PIP4K2A: variants seen among roughly 807,000 people sequenced by gnomAD.
The protein encoded by PIP4K2A is phosphatidylinositol 5-phosphate 4-kinase type-2 alpha.
Under a neutral mutation model 42.9 loss-of-function variants are expected in PIP4K2A, and 14 were observed. The observed-to-expected ratio is 0.33, with a 90% CI of 0.22 to 0.51. PIP4K2A has a LOEUF of 0.51. PIP4K2A is among the 20% of genes least tolerant of loss of function. The pLI is 0.97. For synonymous variants in PIP4K2A, 192 were observed against 192.2 expected (o/e 1.00, Z 0.01); for missense variants, 434 against 519.8 (o/e 0.83, Z 1.61).
chr10:22,543,139 A>T (rs1001935099), intron 7 of PIP4K2A, among the ~76,000 whole-genome samples: 5 of 152,204 alleles, frequency 3.3e-5, no homozygotes, highest in Non-Finnish European at 7.3e-5. Flanking sequence ...CCGCAGAGTC[A>T]TTTCTCCTCA....
chr10:22,537,748 G>A (rs1835974376), intron 9 of PIP4K2A, among the ~76,000 whole-genome samples: 1 of 152,182 alleles, frequency 6.6e-6, no homozygotes, highest in Middle Eastern at 3.2e-3. Context: ...GGACCCCTTC[G>A]TTTCTGGACA....
intron 1 of PIP4K2A, among the ~76,000 whole-genome samples, chr10:22,708,532 A>C (rs768808623): frequency 3.3e-5 from 5 of 152,106 alleles, no homozygotes; most frequent in Non-Finnish European, 5.9e-5. Flanking sequence ...TCTTAAATCT[A>C]AATTGCTTGT....
intron 1 of PIP4K2A, among the ~76,000 whole-genome samples, chr10:22,616,475 A>G (rs1170971611): frequency 6.6e-6 from 1 of 152,214 alleles, no homozygotes; most frequent in Admixed American, 6.5e-5. Flanking sequence ...ATTAAACAGT[A>G]GAGCTGTACC....
chr10:22,694,943 T>G (rs1478897638), intron 1 of PIP4K2A, among the ~76,000 whole-genome samples: 1 of 152,228 alleles, frequency 6.6e-6, no homozygotes, highest in East Asian at 1.9e-4. Context: ...TGGTGGACAG[T>G]GTGAAAATGA....
intron 1 of PIP4K2A, among the ~76,000 whole-genome samples, chr10:22,633,878 AGGCATCTCAG>A (rs1225125669): frequency 1.3e-5 from 2 of 152,188 alleles, no homozygotes; most frequent in Non-Finnish European, 2.9e-5. Flanking sequence ...CGGCTTCTCA[AGGCATCTCAG>A]ATGCAGTGCT....
intron 1 of PIP4K2A, among the ~76,000 whole-genome samples, chr10:22,699,704 G>A (rs1206543977): frequency 1.3e-5 from 2 of 152,040 alleles, no homozygotes; most frequent in East Asian, 3.9e-4. Context: ...ATCTTTCTTT[G>A]GGAAACTTGC....
At chr10:22,549,033 G>A (rs1185232456) in intron 7 of PIP4K2A, among the ~76,000 whole-genome samples, 1 of 152,130 alleles carries the variant, frequency 6.6e-6, no homozygotes, top group Non-Finnish European at 1.5e-5. Flanking sequence ...AGCCAACACA[G>A]CAAGACTGTC....
intron 1 of PIP4K2A, among the ~76,000 whole-genome samples, chr10:22,699,794 A>AT (rs1833679718): frequency 6.6e-6 from 1 of 152,182 alleles, no homozygotes; most frequent in Non-Finnish European, 1.5e-5. Flanking sequence ...TTTCTGAAAA[A>AT]TTTCTAAGTT....
intron 6 of PIP4K2A, among the ~76,000 whole-genome samples, chr10:22,556,670 T>A (rs1371643901): frequency 6.6e-6 from 1 of 152,160 alleles, no homozygotes; most frequent in Non-Finnish European, 1.5e-5. Flanking sequence ...CCACAGAAGC[T>A]GAAATCTTAG....
rs189076960 is a variant in PIP4K2A, at chr10:22,635,114, A to G, written c.145-25397T>C. On this transcript the variant is annotated intron_variant, in intron 1 of 9. Transcript: ENST00000376573. ...GGGAGGGAGGCAGAGGTGAAGCACG[A>G]CAGATTTGGGGGGCAGTGACACTAT... 5.3e-5 allele frequency among the ~76,000 whole-genome samples: 8 copies of G among 152,234 alleles called. No individual in the cohort carries two copies. In the East Asian group the frequency reaches 1.5e-3, roughly 29 times the overall value.
chr10:22,544,086 C>T (rs1836198462), intron 7 of PIP4K2A, among the ~76,000 whole-genome samples: 1 of 152,062 alleles, frequency 6.6e-6, no homozygotes, highest in Non-Finnish European at 1.5e-5. Flanking sequence ...CTTCGCAACC[C>T]TAGGAGGAAG....
rs773540767 is a variant in PIP4K2A at position 22,542,012 on chromosome 10, C to A, written c.828G>T (p.Leu276=). ...LAQLKLMDYS[L]LVGIHDVERA... ...TCTCCACATCATGAATTCCCACCAG[C>A]AGACTGTAGTCCATGAGCTTCAGCT... The change falls in exon 8 of 10, where the codon CTG becomes CTT. Residue 276 remains leucine (L), a synonymous_variant. Transcript: ENST00000376573. The A allele has an allele frequency of 2.5e-6, 4 of 1,612,992 alleles. No homozygotes were observed. The East Asian group carries it at 8.9e-5, about 36-fold the overall frequency.
chr10:22,666,942 A>G (rs1010983526), intron 1 of PIP4K2A, among the ~76,000 whole-genome samples: 5 of 152,230 alleles, frequency 3.3e-5, no homozygotes, highest in Admixed American at 6.5e-5. Context: ...AGGCACATGT[A>G]AAAAGGGCAG....
At chr10:22,649,436 C>A (rs1037151616) in intron 1 of PIP4K2A, among the ~76,000 whole-genome samples, 10 of 152,212 alleles carry the variant, frequency 6.6e-5, no homozygotes, top group South Asian at 2.1e-4. Context: ...TGAGAAAAAC[C>A]CCTGAGCCAA....
At chr10:22,601,130 CAAAAAAAAAAAAAAA>C (rs1188396077) in intron 3 of PIP4K2A, among the ~76,000 whole-genome samples, 2,085 of 31,902 alleles carry the variant, frequency 0.065, 73 homozygotes, top group African/African-American at 0.12. Flanking sequence ...GAGACTGTCT[CAAAAAAAAAAAAAAA>C]AAAAAAAAAA....
intron 6 of PIP4K2A, among the ~76,000 whole-genome samples, chr10:22,553,439 C>T (rs943190): frequency 0.66 from 100,751 of 152,134 alleles, 33,634 homozygotes; most frequent in South Asian, 0.77. Context: ...GGGGAAAACA[C>T]GCAGCAGCCT....
At chr10:22,681,068 T>C (rs976811324) in intron 1 of PIP4K2A, among the ~76,000 whole-genome samples, 1 of 152,194 alleles carries the variant, frequency 6.6e-6, no homozygotes, top group Admixed American at 6.5e-5. Flanking sequence ...ATACTCCCCA[T>C]GTATCCTCCC....
At chr10:22,574,485 A>G (rs76547528) in intron 4 of PIP4K2A, among the ~76,000 whole-genome samples, 5,428 of 150,680 alleles carry the variant, frequency 0.036, 145 homozygotes, top group Non-Finnish European at 0.052. Context: ...TAAAAAATAC[A>G]AAAGTAATTA....
At chr10:22,651,920 G>C (rs904535189) in intron 1 of PIP4K2A, among the ~76,000 whole-genome samples, 3 of 152,178 alleles carry the variant, frequency 2.0e-5, no homozygotes, top group Admixed American at 6.5e-5. Flanking sequence ...TTCCCCACCT[G>C]CTAGCACTAT....
Sources: gnomAD v4.1 joint callset for allele counts (sites outside exome capture counted in the v4.1 genomes callset) on GRCh38, gnomAD v4.1.1 for gene constraint, MANE v1.5 for transcripts, NCBI Gene and HGNC (gene_info 2026-07-23, HGNC 2026-07-21) for gene names.